The following EFL1 variants were observed in gnomAD, a reference collection of about 807,000 sequenced individuals.
EFL1 encodes elongation factor-like GTPase 1.
EFL1 carries 76 observed loss-of-function variants against 126.7 expected under a neutral mutation model. The ratio of observed to expected loss-of-function variants is 0.60; its 90% CI spans 0.50 to 0.73. The LOEUF (loss-of-function observed/expected upper bound fraction) is 0.73, where lower values mean the gene tolerates loss of function less well. Among genes scored for constraint, EFL1 ranks in the 30% least tolerant of loss-of-function variants. EFL1 has a pLI of 0.00. For synonymous variants in EFL1, 410 were observed against 448.4 expected (o/e 0.91, Z 1.08); for missense variants, 1,128 against 1,343.2 (o/e 0.84, Z 2.50).
At chr15:82,223,527 T>A (rs1478965705) in intron 12 of EFL1, among the ~76,000 whole-genome samples, 1 of 152,234 alleles carries the variant, frequency 6.6e-6, no homozygotes, top group Non-Finnish European at 1.5e-5. Flanking sequence ...AGTAGAGGCA[T>A]AATAATACTA....
At chr15:82,146,441 T>C (rs967291939) in intron 18 of EFL1, among the ~76,000 whole-genome samples, 8 of 151,934 alleles carry the variant, frequency 5.3e-5, no homozygotes, top group Non-Finnish European at 1.0e-4. Flanking sequence ...CAATTGAAGG[T>C]GTTGATTTAG....
At position 82,227,474 on chromosome 15, in the gene EFL1, G is replaced by A. The variant is rs1202523451; in HGVS notation, c.1168C>T (p.Pro390Ser). The stretch of plus-strand genomic sequence containing the variant: ...CCTGCTTTCAGTGCTTGAGTTTCTG[G>A]TGGAAAAGAGTCAAAAGTTTGTGAT... ...TGSQTFDSFP[P>S]ETQALKAAFM... Residue 390 changes from proline (P) to serine (S), a missense_variant, in exon 11 of 20, where the codon CCA becomes TCA. Physicochemically the swap from Pro to Ser is moderately conservative, Grantham distance 74 (BLOSUM62 -1). Coordinates refer to ENST00000268206, the MANE Select transcript of EFL1 (RefSeq NM_024580.6). 2 of 1,614,124 alleles carry A rather than the reference G, an allele frequency of 1.2e-6. No homozygotes were observed. Among genetic ancestry groups the A allele is most frequent in the South Asian group, 1.1e-5 (1 of 91,074 alleles).
intron 4 of EFL1, among the ~76,000 whole-genome samples, chr15:82,247,787 T>A (rs1424083077): frequency 2.0e-5 from 3 of 151,990 alleles, no homozygotes; most frequent in Non-Finnish European, 4.4e-5. Context: ...AAAGAGGGTG[T>A]CAGAATCACA....
intron 19 of EFL1, among the ~76,000 whole-genome samples, chr15:82,132,151 T>A (rs1179042963): frequency 2.0e-5 from 3 of 152,104 alleles, no homozygotes; most frequent in African/African-American, 7.2e-5. Flanking sequence ...CACTATAGAA[T>A]GGGAGGTGTG....
At chr15:82,145,817 C>T (rs938938302) in intron 18 of EFL1, among the ~76,000 whole-genome samples, 11 of 142,676 alleles carry the variant, frequency 7.7e-5, no homozygotes, top group African/African-American at 2.9e-4. Context: ...GCCTGGGCAA[C>T]GAGAGCGAAA....
intron 18 of EFL1, among the ~76,000 whole-genome samples, chr15:82,150,696 T>C (rs1439029216): frequency 6.6e-6 from 1 of 152,168 alleles, no homozygotes; most frequent in Non-Finnish European, 1.5e-5. Context: ...GGATTTGATA[T>C]AATGGTTAGC....
At chr15:82,202,893 C>A (rs1393098091) in intron 15 of EFL1, among the ~76,000 whole-genome samples, 6 of 151,034 alleles carry the variant, frequency 4.0e-5, no homozygotes, top group African/African-American at 4.9e-5. Flanking sequence ...TTCACTGTAA[C>A]CTCCGCCTCC....
At position 82,166,908 on chromosome 15, in the gene EFL1, C is replaced by G. The variant is rs374301099; in HGVS notation, c.1751-2924G>C. Among the ~76,000 whole-genome samples the G allele has an allele frequency of 5.3e-5, 8 of 152,268 alleles. No homozygotes were observed. In the East Asian group the frequency reaches 7.7e-4, roughly 15 times the overall value. On this transcript the variant is annotated intron_variant, in intron 15 of 19. Transcript: ENST00000268206. ...GGACAAAGAATTTCTTCACAGAAAGCACATTTGCTAAAGCATTTTTCAACT... is the reference window on the plus strand; with the variant it reads ...GGACAAAGAATTTCTTCACAGAAAGGACATTTGCTAAAGCATTTTTCAACT...
At chr15:82,161,271 G>T (rs570616754) in intron 16 of EFL1, among the ~76,000 whole-genome samples, 1 of 152,112 alleles carries the variant, frequency 6.6e-6, no homozygotes, top group East Asian at 1.9e-4. Flanking sequence ...CAGTATTACT[G>T]CAAAGTCTTT....
At chr15:82,251,163 G>T (rs534233800) in intron 4 of EFL1, among the ~76,000 whole-genome samples, 6 of 152,266 alleles carry the variant, frequency 3.9e-5, no homozygotes, top group Admixed American at 3.9e-4. Context: ...AGTGAGCTGA[G>T]ATCATGCCAC....
chr15:82,144,495 TC>T (rs1320534950), intron 18 of EFL1, among the ~76,000 whole-genome samples: 1 of 152,148 alleles, frequency 6.6e-6, no homozygotes, highest in Non-Finnish European at 1.5e-5. Flanking sequence ...TCATAAAGCT[TC>T]CCTAGAAAAC....
At chr15:82,192,401 CAA>C (rs59214257) in intron 15 of EFL1, among the ~76,000 whole-genome samples, 17 of 86,184 alleles carry the variant, frequency 2.0e-4, no homozygotes, top group Admixed American at 3.9e-4. Context: ...AATTCCGTCT[CAA>C]AAAAAAAAAA....
chr15:82,213,216 A>C (rs2074607715), intron 15 of EFL1, among the ~76,000 whole-genome samples: 1 of 152,236 alleles, frequency 6.6e-6, no homozygotes, highest in African/African-American at 2.4e-5. Flanking sequence ...GCTTAGTCTT[A>C]TATAAGTAAA....
intron 15 of EFL1, among the ~76,000 whole-genome samples, chr15:82,192,325 G>A (rs572691126): frequency 2.6e-5 from 4 of 151,770 alleles, no homozygotes; most frequent in African/African-American, 7.3e-5. Flanking sequence ...GCTTGAACCC[G>A]GGAGGCAGAG....
chr15:82,254,721 A>G (rs2075052231), intron 3 of EFL1, among the ~76,000 whole-genome samples: 1 of 152,088 alleles, frequency 6.6e-6, no homozygotes, highest in Non-Finnish European at 1.5e-5. Context: ...TAATTTATTC[A>G]TTTTTATTAC....
chr15:82,204,685 T>C (rs1172510928), intron 15 of EFL1, among the ~76,000 whole-genome samples: 1 of 152,206 alleles, frequency 6.6e-6, no homozygotes, highest in Non-Finnish European at 1.5e-5. Flanking sequence ...CACTATCTGT[T>C]CCTTGAGCAT....
intron 15 of EFL1, among the ~76,000 whole-genome samples, chr15:82,188,341 C>T (rs2074323082): frequency 6.6e-6 from 1 of 152,022 alleles, no homozygotes; most frequent in African/African-American, 2.4e-5. Flanking sequence ...TAGCCTACTT[C>T]CATTTTCTTA....
At chr15:82,196,721 A>G (rs2074411291) in intron 15 of EFL1, among the ~76,000 whole-genome samples, 1 of 152,234 alleles carries the variant, frequency 6.6e-6, no homozygotes, top group African/African-American at 2.4e-5. Flanking sequence ...AATTTGATAT[A>G]TCTTTCAAGT....
At chr15:82,164,056 C>T in intron 15 of EFL1, 72 bp from the exon 16 acceptor site, 1 of 1,578,840 alleles carries the variant, frequency 6.3e-7, no homozygotes, top group Admixed American at 1.7e-5. Context: ...AAAACAGCAG[C>T]ATCAACCCAG....
Sources: gnomAD v4.1 joint callset for allele counts (sites outside exome capture counted in the v4.1 genomes callset) on GRCh38, gnomAD v4.1.1 for gene constraint, MANE v1.5 for transcripts, NCBI Gene and HGNC (gene_info 2026-07-23, HGNC 2026-07-21) for gene names.